AKNA: variants seen among roughly 807,000 people sequenced by gnomAD.
AKNA encodes microtubule organization protein AKNA.
Under a neutral mutation model 138.8 loss-of-function variants are expected in AKNA, and 67 were observed. The ratio of observed to expected loss-of-function variants is 0.48; its 90% CI spans 0.40 to 0.59. The LOEUF is 0.59. Ranked by LOEUF, AKNA falls within the 20% of genes least tolerant of loss-of-function variation. The pLI is 0.00. For missense variants in AKNA, 1,813 were observed against 1,880.4 expected (o/e 0.96, Z 0.66); for synonymous variants, 737 against 754.4 (o/e 0.98, Z 0.38).
At chr9:114,395,590 T>C (rs1342374080), upstream of AKNA, among the ~76,000 whole-genome samples, 2 of 151,870 alleles carry the variant, frequency 1.3e-5, no homozygotes, top group Non-Finnish European at 2.9e-5. Context: ...TCTTCCCAAA[T>C]CGCATACTTT....
intron 1 of AKNA, among the ~76,000 whole-genome samples, chr9:114,384,892 C>G (rs945823099): frequency 6.6e-6 from 1 of 152,144 alleles, no homozygotes; most frequent in Non-Finnish European, 1.5e-5. Flanking sequence ...CTCACTGTTA[C>G]CCAGGCTGGA....
At position 114,364,553 on chromosome 9, in the gene AKNA, G is replaced by A. The variant is rs781588918; in HGVS notation, c.1788+7C>T. 1 of 1,613,696 alleles carries A rather than the reference G, an allele frequency of 6.2e-7. No homozygotes were observed. Among genetic ancestry groups the A allele is most frequent in the Non-Finnish European group, 8.5e-7 (1 of 1,180,010 alleles). On this transcript the variant is annotated splice_region_variant and intron_variant, in intron 7 of 21. Coordinates refer to ENST00000374088, the MANE Select transcript of AKNA (RefSeq NM_001317950.2). ...GTTCCATGGGTGGCTCCTGAATTGG[G>A]CAGTACCTTGACTTGGTCCTGGGGC...
At chr9:114,378,296 C>A (rs573414146) in intron 2 of AKNA, among the ~76,000 whole-genome samples, 3 of 152,246 alleles carry the variant, frequency 2.0e-5, no homozygotes, top group Non-Finnish European at 4.4e-5. Context: ...TCAACCTCTG[C>A]CTCCTCAAGG....
intron 3 of AKNA, 126 bp from the exon 4 acceptor site, chr9:114,374,293 T>G: frequency 1.1e-6 from 1 of 902,986 alleles, no homozygotes; most frequent in Non-Finnish European, 1.8e-6. Flanking sequence ...AAGCATTCAA[T>G]GGTGGGATCC....
chr9:114,362,444 G>T lies in AKNA; in HGVS notation c.1878C>A (p.Ala626=). 1 of 1,612,776 alleles carries T rather than the reference G, an allele frequency of 6.2e-7. No homozygotes were observed. Among genetic ancestry groups the T allele is most frequent in the Non-Finnish European group, 8.5e-7 (1 of 1,179,506 alleles). The change falls in exon 8 of 22, where the codon GCC becomes GCA. Residue 626 remains alanine (A), a synonymous_variant. Transcript: ENST00000374088. ...CREQHPAQPL[A]GSKGTPGRFD... ...ATCTTCCAGGCGTCCCCTTGGAGCCGGCAAGCGGCTGGGCAGGGTGTTGCT... is the reference window on the plus strand; with the variant it reads ...ATCTTCCAGGCGTCCCCTTGGAGCCTGCAAGCGGCTGGGCAGGGTGTTGCT...
Position 114,377,378 on chromosome 9 carries a change from C to A in AKNA, c.429G>T (p.Arg143Ser), listed in dbSNP as rs984507980. The stretch of plus-strand genomic sequence containing the variant: ...AGCTGAGACCAGCCTCATACCCCAA[C>A]CTTGAGGAGCTCTCTCCAGCCTCCT... ...EVEEAGESSS[R>S]LGYEAGLSLE... The change falls in exon 3 of 22, where the codon AGG becomes AGT. Residue 143 changes from arginine to serine, a missense_variant. Physicochemically the swap from Arg to Ser is moderately radical, Grantham distance 110. Transcript: ENST00000374088. 3 of 1,613,834 alleles carry A rather than the reference C, an allele frequency of 1.9e-6. No individual in the cohort carries two copies. The highest frequency in any genetic ancestry group is 3.3e-5 in the Admixed American group (2 of 59,978).
chr9:114,377,763 T>C, intron 2 of AKNA: 1 of 562,678 alleles, frequency 1.8e-6, no homozygotes. Context: ...GTCCCTCCAG[T>C]GTCTCCCATC....
Position 114,337,279 on chromosome 9 carries a change from T to C in AKNA, c.4095A>G (p.Ser1365=). ...GCGGCCACTTGGCAGCTGGTTGGGC[T>C]GAGGTAGGTCCTGCAGGCGCATAGT... ...AVYYAPAGPT[S]AQPAAKWPPT... is the part of the protein sequence containing the mutation. The change falls in exon 22 of 22, where the codon TCA becomes TCG. Residue 1365 remains serine, a synonymous_variant. Transcript: ENST00000374088. 6.5e-7 allele frequency: 1 copy of C among 1,532,054 alleles called. No homozygotes were observed. Among genetic ancestry groups the C allele is most frequent in the African/African-American group, 1.4e-5 (1 of 72,842 alleles). The allele number at this position is 1,532,054 out of a possible 1,614,324, so 94.9% of individuals were successfully genotyped here.
chr9:114,354,244 C>T (rs1395525211), intron 14 of AKNA, among the ~76,000 whole-genome samples: 1 of 152,024 alleles, frequency 6.6e-6, no homozygotes, highest in Non-Finnish European at 1.5e-5. Context: ...CAAACACACA[C>T]ACATCACAGA....
chr9:114,392,277 C>T (rs576078795), upstream of AKNA, among the ~76,000 whole-genome samples: 6 of 152,280 alleles, frequency 3.9e-5, no homozygotes, highest in East Asian at 7.7e-4. Context: ...TTGGAACCTG[C>T]GGCTTAATGA....
In AKNA at chr9:114,362,416, C is replaced by T. The variant is rs760786605; in HGVS notation, c.1906G>A (p.Asp636Asn). 6.2e-7 allele frequency: 1 copy of T among 1,611,412 alleles called. No individual in the cohort carries two copies. The highest frequency in any genetic ancestry group is 1.1e-5 in the South Asian group (1 of 90,404). The change falls in exon 8 of 22, where the codon GAT (aspartate) becomes AAT (asparagine). Residue 636 changes from aspartate to asparagine, a missense_variant. Transcript: ENST00000374088. Reference sequence around the variant, plus strand: ...CACCCCAGCAGGTACCTGCGAGGATCAAATCTTCCAGGCGTCCCCTTGGAG... The same window carrying T: ...CACCCCAGCAGGTACCTGCGAGGATTAAATCTTCCAGGCGTCCCCTTGGAG... ...AGSKGTPGRF[D>N]PRRELEAEIY... is the part of the protein sequence containing the mutation.
At chr9:114,364,516 G>T in intron 7 of AKNA, 44 bp downstream of exon 7, 1 of 1,594,542 alleles carries the variant, frequency 6.3e-7, no homozygotes, top group Non-Finnish European at 8.6e-7. Flanking sequence ...GGGAGACAGT[G>T]GTTGTCTGGC....
chr9:114,374,225 G>A lies in AKNA; in HGVS notation c.1342-58C>T, dbSNP rs917311556. 4.0e-6 allele frequency: 6 copies of A among 1,501,128 alleles called. No homozygotes were observed. In the East Asian group the frequency reaches 1.5e-4, roughly 37 times the overall value. The allele number at this position is 1,501,128 out of a possible 1,614,324, so 93.0% of individuals were successfully genotyped here. On this transcript the variant is annotated intron_variant, in intron 3 of 21. Transcript: ENST00000374088. ...GCAGGCACACAATGAACCCCTCCTT[G>A]CTGGGAGACCCTGATAGCAAACCCC...
intron 4 of AKNA, among the ~76,000 whole-genome samples, chr9:114,372,325 ACTACACATGGGGGGGACCCTGAGTC>A (rs1361142513): frequency 6.6e-6 from 1 of 151,826 alleles, no homozygotes; most frequent in East Asian, 1.9e-4. Context: ...GGGCAGGGTG[ACTACACATGGGGGGGACCCTGAGTC>A]CTACTGGGTC....
downstream of AKNA, chr9:114,331,418 C>G: frequency 3.2e-6 from 2 of 628,498 alleles, no homozygotes; most frequent in Non-Finnish European, 2.8e-6. Context: ...GGGCACGCAG[C>G]AGGGGCTGGG....
rs1213368580 is a variant in AKNA, at chr9:114,334,600, A to G, written c.*2454T>C. 4 of 147,162 alleles carry G rather than the reference A, an allele frequency of 2.7e-5. No individual in the cohort carries two copies. Among genetic ancestry groups the G allele is most frequent in the Non-Finnish European group, 5.9e-5 (4 of 68,002 alleles). The allele number at this position is 147,162 out of a possible 1,614,324, so 9.1% of individuals were successfully genotyped here. ...GCCAAGCCCGAGGCACAGCCCACTC[A>G]GTGGCACAAGCCACAAAGGGCCGGC... On this transcript the variant is annotated 3_prime_UTR_variant, in exon 22 of 22. Transcript: ENST00000374088.
At position 114,336,448 on chromosome 9, in the gene AKNA, C is replaced by T. The variant is rs1464130598; in HGVS notation, c.*606G>A. 3 of 152,258 alleles carry T rather than the reference C, an allele frequency of 2.0e-5. No individual in the cohort carries two copies. The highest frequency in any genetic ancestry group is 2.9e-5 in the Non-Finnish European group (2 of 68,066). 9.4% of individuals were successfully genotyped at this position (152,258 alleles called of 1,614,324 possible). On this transcript the variant is annotated 3_prime_UTR_variant, in exon 22 of 22. Coordinates refer to ENST00000374088, the MANE Select transcript of AKNA (RefSeq NM_001317950.2). The stretch of plus-strand genomic sequence containing the variant: ...ACCATGGTGGATGGCATCCTGGGCA[C>T]TTTGTAGCTTGTCTGAGGGAAAGGC...
chr9:114,367,835 C>A, intron 5 of AKNA, 138 bp from the exon 6 acceptor site: 2 of 976,654 alleles, frequency 2.0e-6, no homozygotes, highest in East Asian at 2.9e-5. Context: ...ACATCAGCCC[C>A]AGGAAGTGGG....
upstream of AKNA, among the ~76,000 whole-genome samples, chr9:114,389,041 G>C (rs1693608760): frequency 4.6e-5 from 7 of 152,222 alleles, no homozygotes; most frequent in South Asian, 1.5e-3. Flanking sequence ...GTTATAGGAC[G>C]GTCAGGAAGG....
Sources: gnomAD v4.1 joint callset for allele counts (sites outside exome capture counted in the v4.1 genomes callset) on GRCh38, gnomAD v4.1.1 for gene constraint, MANE v1.5 for transcripts, NCBI Gene and HGNC (gene_info 2026-07-23, HGNC 2026-07-21) for gene names.